TIMP2: variants seen among roughly 807,000 people sequenced by gnomAD.
The protein encoded by TIMP2 is TIMP metallopeptidase inhibitor 2, also known as metalloproteinase inhibitor 2.
In TIMP2, 5 loss-of-function variants were observed where a neutral mutation model predicts 24.3. That is an observed-to-expected ratio of 0.21 (90% confidence interval 0.11 to 0.43). TIMP2 has a LOEUF of 0.43. Among genes scored for constraint, TIMP2 ranks in the 20% least tolerant of loss-of-function variants. TIMP2 has a pLI of 1.00. For synonymous variants in TIMP2, 130 were observed against 123.2 expected (o/e 1.06, Z -0.37); for missense variants, 221 against 297.5 (o/e 0.74, Z 1.89).
intron 1 of TIMP2, among the ~76,000 whole-genome samples, chr17:78,907,876 G>A (rs968382910): frequency 6.6e-6 from 1 of 152,176 alleles, no homozygotes; most frequent in Non-Finnish European, 1.5e-5. Context: ...GCTCACGTCT[G>A]TAGTCCCGGC....
At chr17:78,908,307 A>C (rs939586374) in intron 1 of TIMP2, among the ~76,000 whole-genome samples, 8 of 152,098 alleles carry the variant, frequency 5.3e-5, no homozygotes, top group Non-Finnish European at 7.3e-5. Flanking sequence ...ATGTGTCCTA[A>C]ATTATTTCTC....
chr17:78,871,299 A>G (rs967988753), intron 2 of TIMP2, among the ~76,000 whole-genome samples: 6 of 151,912 alleles, frequency 3.9e-5, no homozygotes, highest in African/African-American at 1.2e-4. Context: ...TAAAAATACA[A>G]AAATTAGCTG....
chr17:78,898,183 C>G (rs12944916), intron 1 of TIMP2: 5,847 of 152,336 alleles, frequency 0.038, 171 homozygotes, highest in Non-Finnish European at 0.054. Flanking sequence ...CGGCATTTCA[C>G]GTACACCTCT....
At chr17:78,915,077 A>G (rs895312806) in intron 1 of TIMP2, among the ~76,000 whole-genome samples, 1 of 148,542 alleles carries the variant, frequency 6.7e-6, no homozygotes, top group African/African-American at 2.5e-5. Flanking sequence ...TTGTATTTTT[A>G]GTAGAGATGG....
At chr17:78,869,995 G>GA (rs2069661540) in intron 3 of TIMP2, among the ~76,000 whole-genome samples, 1 of 1,676 alleles carries the variant, frequency 6.0e-4, no homozygotes, top group Non-Finnish European at 9.8e-4. Context: ...GTGGGCCAAG[G>GA]CTGAGGAAGA....
intron 1 of TIMP2, among the ~76,000 whole-genome samples, chr17:78,914,901 CTTTTT>C (rs71161637): frequency 7.2e-6 from 1 of 138,576 alleles, no homozygotes; most frequent in Non-Finnish European, 1.5e-5. Flanking sequence ...TGGGCTTTTT[CTTTTT>C]TTTTTTTTGA....
At position 78,892,537 on chromosome 17, in the gene TIMP2, G is replaced by A. The variant is rs73395169; in HGVS notation, c.131-18618C>T. The A allele has an allele frequency of 8.1e-5, 119 of 1,470,898 alleles. No individual in the cohort carries two copies. The African/African-American group carries it at 1.5e-3, about 18-fold the overall frequency. 91.1% of individuals were successfully genotyped at this position (1,470,898 alleles called of 1,614,324 possible). On this transcript the variant is annotated intron_variant, in intron 1 of 4. Coordinates refer to ENST00000262768, the MANE Select transcript of TIMP2 (RefSeq NM_003255.5). ...AGCAAAGCCCTGGAGACAAGCACAC[G>A]GGATTCTCACTGTGAGGACAGGCTG...
chr17:78,873,781 C>A, intron 2 of TIMP2, 38 bp downstream of exon 2: 1 of 1,566,408 alleles, frequency 6.4e-7, no homozygotes, highest in Non-Finnish European at 8.8e-7. Context: ...CACAGCTGTG[C>A]CCACAGTGCA....
At chr17:78,898,862 C>G (rs924518580) in intron 1 of TIMP2, 4 of 152,254 alleles carry the variant, frequency 2.6e-5, no homozygotes, top group African/African-American at 7.2e-5. Flanking sequence ...CTCAGCCTCC[C>G]AAGTAGCTGG....
At position 78,920,243 on chromosome 17, in the gene TIMP2, A is replaced by G. The variant is rs1164917747; in HGVS notation, c.130+4716T>C. ...GAGTCTGAACCTCTCAGCCCACACC[A>G]GTGGCATCTACCTAGCAACCTGGCT... On this transcript the variant is annotated intron_variant, in intron 1 of 4. Coordinates refer to ENST00000262768, the MANE Select transcript of TIMP2 (RefSeq NM_003255.5). The surrounding 1 kb of genome is among the most constrained non-coding windows in gnomAD (Gnocchi z 4.5). Among the ~76,000 whole-genome samples, 1 of 152,110 alleles carries G rather than the reference A, an allele frequency of 6.6e-6. No homozygotes were observed. The highest frequency in any genetic ancestry group is 2.4e-5 in the African/African-American group (1 of 41,412).
At position 78,852,992 on chromosome 17, in the gene TIMP2, C is replaced by G. The variant is rs1179070106; in HGVS notation, c.*2675G>C. ...AGAGCCCACGTTCTCTTTGATAATA[C>G]TGTTTATTGTCCACGGACCGAGCGA... On this transcript the variant is annotated 3_prime_UTR_variant, in exon 5 of 5. Coordinates refer to ENST00000262768, the MANE Select transcript of TIMP2 (RefSeq NM_003255.5). 6.6e-6 allele frequency: 1 copy of G among 152,628 alleles called. No individual in the cohort carries two copies. The highest frequency in any genetic ancestry group is 1.5e-5 in the Non-Finnish European group (1 of 68,050). The allele number at this position is 152,628 out of a possible 1,614,324, so 9.5% of individuals were successfully genotyped here. A position where few individuals can be genotyped will look rare whatever the true frequency, so the allele number is the denominator to read the frequency against.
At chr17:78,887,221 T>C (rs1355498505) in intron 1 of TIMP2, among the ~76,000 whole-genome samples, 1 of 152,164 alleles carries the variant, frequency 6.6e-6, no homozygotes, top group East Asian at 1.9e-4. Flanking sequence ...CTCAGAGGCG[T>C]GCACTTGGGG....
intron 2 of TIMP2, among the ~76,000 whole-genome samples, chr17:78,872,293 T>C (rs1599149955): frequency 6.6e-6 from 1 of 152,016 alleles, no homozygotes; most frequent in East Asian, 1.9e-4. Context: ...ACCCAACCTA[T>C]ATTTCCAGGA....
intron 1 of TIMP2, among the ~76,000 whole-genome samples, chr17:78,878,956 A>T (rs1227877352): frequency 1.3e-5 from 2 of 152,200 alleles, no homozygotes; most frequent in Non-Finnish European, 2.9e-5. Context: ...TTCCACGGCA[A>T]CCTTCCCCAA....
rs2070341568 is a variant in TIMP2 at position 78,925,204 on chromosome 17, C to T, written c.-116G>A. The T allele has an allele frequency of 4.2e-6, 1 of 239,100 alleles. No individual in the cohort carries two copies. Among genetic ancestry groups the T allele is most frequent in the Non-Finnish European group, 6.6e-6 (1 of 150,640 alleles). 14.8% of individuals were successfully genotyped at this position (239,100 alleles called of 1,614,324 possible). A position where few individuals can be genotyped will look rare whatever the true frequency, so the allele number is the denominator to read the frequency against. ...AGCCGGGGCCGAGGCGGGCCCCTCCCGCGCGGCTCACCCTCCTCACCTGCC... is the reference window on the plus strand; with the variant it reads ...AGCCGGGGCCGAGGCGGGCCCCTCCTGCGCGGCTCACCCTCCTCACCTGCC... On this transcript the variant is annotated 5_prime_UTR_variant, in exon 1 of 5. Transcript: ENST00000262768.
intron 3 of TIMP2, among the ~76,000 whole-genome samples, chr17:78,862,961 T>C (rs545906543): frequency 2.0e-5 from 3 of 152,366 alleles, no homozygotes; most frequent in Non-Finnish European, 2.9e-5. Context: ...CAAGTCACCA[T>C]TGATGAGCAC....
chr17:78,883,330 G>T (rs2069795277), intron 1 of TIMP2, among the ~76,000 whole-genome samples: 1 of 152,212 alleles, frequency 6.6e-6, no homozygotes, highest in South Asian at 2.1e-4. Flanking sequence ...GGACAGAGAG[G>T]CCCCAGGTCC....
chr17:78,885,644 T>C (rs1035613417), intron 1 of TIMP2, among the ~76,000 whole-genome samples: 1 of 149,980 alleles, frequency 6.7e-6, no homozygotes, highest in Non-Finnish European at 1.5e-5. Flanking sequence ...GGAAGAGAGG[T>C]GGTGGGAAGA....
chr17:78,896,366 A>G lies in TIMP2; in HGVS notation c.131-22447T>C, dbSNP rs1033746204. On this transcript the variant is annotated intron_variant, in intron 1 of 4. Coordinates refer to ENST00000262768, the MANE Select transcript of TIMP2 (RefSeq NM_003255.5). The surrounding 1 kb of genome is among the most constrained non-coding windows in gnomAD (Gnocchi z 4.4). The stretch of plus-strand genomic sequence containing the variant: ...GCCTGTGATGCCCAGGCTGATCTCC[A>G]GGCAGCCCAGTGTCTCTCCAGCCCT... Among the ~76,000 whole-genome samples the G allele has an allele frequency of 3.3e-5, 5 of 152,176 alleles. No homozygotes were observed. The highest frequency in any genetic ancestry group is 1.2e-4 in the African/African-American group (5 of 41,450).
Sources: allele counts gnomAD v4.1 joint callset (sites outside exome capture counted in the v4.1 genomes callset), GRCh38; gene constraint gnomAD v4.1.1; non-coding constraint Gnocchi (gnomAD v3.1); transcripts MANE v1.5; gene names NCBI Gene and HGNC (gene_info 2026-07-23, HGNC 2026-07-21).